SLC9A9: variants seen among roughly 807,000 people sequenced by gnomAD.
SLC9A9 encodes the protein solute carrier family 9 member A9.
In SLC9A9, 62 loss-of-function variants were observed where a neutral mutation model predicts 77.8. The observed-to-expected ratio is 0.80, with a 90% confidence interval of 0.65 to 0.98. SLC9A9 has a LOEUF of 0.98. Ranked by LOEUF, SLC9A9 falls within the 50% of genes least tolerant of loss-of-function variation. The probability of loss-of-function intolerance (pLI) is 0.00; values close to 1 mark genes in which losing one functional copy is unlikely to be tolerated. For synonymous variants in SLC9A9, 320 were observed against 283.5 expected, an observed-to-expected ratio of 1.13 and a Z score of -1.29; for missense variants, 775 against 774.9, an observed-to-expected ratio of 1.00 and a Z score of 0.00.
chr3:143,618,428 G>C (rs1438257702), intron 6 of SLC9A9, among the ~76,000 whole-genome samples: 1 of 152,152 alleles, frequency 6.6e-6, no homozygotes, highest in East Asian at 1.9e-4. Flanking sequence ...GGGAGAAGGG[G>C]CTTTGTCAGG....
chr3:143,606,191 G>T lies in SLC9A9; in HGVS notation c.756-27468C>A, dbSNP rs568726878. Reference sequence around the variant, plus strand: ...AGGCTGAGGTGGGTGGACCACCTGAGGTCAGGAGTTCGATACCAGCCTGGC... The same window carrying T: ...AGGCTGAGGTGGGTGGACCACCTGATGTCAGGAGTTCGATACCAGCCTGGC... On this transcript the variant is annotated intron_variant, in intron 6 of 15. Transcript: ENST00000316549. Among the ~76,000 whole-genome samples, 3 of 152,072 alleles carry T rather than the reference G, an allele frequency of 2.0e-5. No homozygotes were observed. The East Asian group carries it at 5.8e-4, about 29-fold the overall frequency.
intron 2 of SLC9A9, among the ~76,000 whole-genome samples, chr3:143,800,628 T>C (rs533644297): frequency 4.6e-5 from 7 of 152,276 alleles, no homozygotes; most frequent in Admixed American, 4.6e-4. Context: ...GTCCCAGCAG[T>C]TTACCTGGGC....
chr3:143,503,295 T>C (rs973126137), intron 9 of SLC9A9: 27 of 285,342 alleles, frequency 9.5e-5, no homozygotes, highest in Admixed American at 7.6e-4. Flanking sequence ...ATGTGGACCA[T>C]AAGGCCTCCC....
intron 12 of SLC9A9, among the ~76,000 whole-genome samples, chr3:143,454,435 T>G (rs2035053965): frequency 6.6e-6 from 1 of 152,200 alleles, no homozygotes; most frequent in African/African-American, 2.4e-5. Context: ...CTCTTATGTT[T>G]TTTCTCGAAG....
intron 12 of SLC9A9, among the ~76,000 whole-genome samples, chr3:143,397,931 C>A (rs1334045498): frequency 6.6e-6 from 1 of 152,112 alleles, no homozygotes; most frequent in African/African-American, 2.4e-5. Flanking sequence ...CTCCTCTATG[C>A]AATAATCCAG....
chr3:143,757,666 C>G (rs2006970667), intron 4 of SLC9A9, among the ~76,000 whole-genome samples: 1 of 152,244 alleles, frequency 6.6e-6, no homozygotes, highest in South Asian at 2.1e-4. Flanking sequence ...GCCTGCCCCA[C>G]CTACTTATCC....
At chr3:143,298,014 A>C (rs1226605717) in intron 14 of SLC9A9, among the ~76,000 whole-genome samples, 1 of 152,194 alleles carries the variant, frequency 6.6e-6, no homozygotes, top group East Asian at 1.9e-4. Flanking sequence ...GAAAAAAATC[A>C]CCCATGGAGG....
At chr3:143,717,395 G>A (rs973572960) in intron 4 of SLC9A9, among the ~76,000 whole-genome samples, 11 of 152,316 alleles carry the variant, frequency 7.2e-5, no homozygotes, top group African/African-American at 2.6e-4. Context: ...CATAGAAGTT[G>A]AAAATTGGTT....
intron 4 of SLC9A9, among the ~76,000 whole-genome samples, chr3:143,726,607 T>A (rs1049494498): frequency 6.6e-6 from 1 of 152,226 alleles, no homozygotes; most frequent in African/African-American, 2.4e-5. Flanking sequence ...AGGGATAAGC[T>A]ACTTGTCCAT....
chr3:143,406,940 C>A (rs1287913782), intron 12 of SLC9A9, among the ~76,000 whole-genome samples: 1 of 143,012 alleles, frequency 7.0e-6, no homozygotes, highest in East Asian at 2.1e-4. Context: ...TGTGCCACTG[C>A]ACTCCAGCCT....
chr3:143,548,097 T>C (rs531689387), intron 9 of SLC9A9, among the ~76,000 whole-genome samples: 1 of 152,362 alleles, frequency 6.6e-6, no homozygotes, highest in South Asian at 2.1e-4. Context: ...GGTAATTATT[T>C]ACATTCATTT....
chr3:143,840,695 A>AGTGTT, intron 1 of SLC9A9, among the ~76,000 whole-genome samples: 1 of 151,968 alleles, frequency 6.6e-6, no homozygotes, highest in African/African-American at 2.4e-5. Flanking sequence ...TAGAGAAGAA[A>AGTGTT]CTTAACTACT....
intron 8 of SLC9A9, among the ~76,000 whole-genome samples, chr3:143,555,498 C>T (rs1157151782): frequency 6.6e-6 from 1 of 152,094 alleles, no homozygotes; most frequent in Non-Finnish European, 1.5e-5. Context: ...GTGAACATTC[C>T]CATTTCTATT....
At chr3:143,485,708 A>G (rs939891460) in intron 11 of SLC9A9, among the ~76,000 whole-genome samples, 3 of 152,186 alleles carry the variant, frequency 2.0e-5, no homozygotes, top group Admixed American at 6.5e-5. Flanking sequence ...ATCACAAGGT[A>G]TACAGAGAAA....
At chr3:143,592,606 TTG>T (rs1246294040) in intron 6 of SLC9A9, among the ~76,000 whole-genome samples, 1 of 152,098 alleles carries the variant, frequency 6.6e-6, no homozygotes, top group African/African-American at 2.4e-5. Flanking sequence ...GTTTTGAGAG[TTG>T]TGTTTACATG....
At chr3:143,461,990 G>A (rs1240441753) in intron 12 of SLC9A9, among the ~76,000 whole-genome samples, 1 of 152,092 alleles carries the variant, frequency 6.6e-6, no homozygotes, top group African/African-American at 2.4e-5. Context: ...AAACTTTGTA[G>A]CCAATGGGTA....
At chr3:143,583,648 A>G (rs139293444) in intron 6 of SLC9A9, among the ~76,000 whole-genome samples, 5 of 152,312 alleles carry the variant, frequency 3.3e-5, no homozygotes, top group Non-Finnish European at 5.9e-5. Flanking sequence ...AATAGTACCA[A>G]CCACACTGGG....
At chr3:143,523,366 G>C (rs2036350206) in intron 9 of SLC9A9, among the ~76,000 whole-genome samples, 1 of 152,066 alleles carries the variant, frequency 6.6e-6, no homozygotes, top group Non-Finnish European at 1.5e-5. Flanking sequence ...CCAAGACCCT[G>C]AAGAACTTCA....
chr3:143,731,515 G>A (rs147174235), intron 4 of SLC9A9, among the ~76,000 whole-genome samples: 1 of 152,272 alleles, frequency 6.6e-6, no homozygotes, highest in Non-Finnish European at 1.5e-5. Context: ...TCACCAGCAG[G>A]CTCAGCCTTC....
Sources: allele counts gnomAD v4.1 joint callset (sites outside exome capture counted in the v4.1 genomes callset), GRCh38; gene constraint gnomAD v4.1.1; transcripts MANE v1.5; gene names NCBI Gene and HGNC (gene_info 2026-07-23, HGNC 2026-07-21).